LOC114841035: variants seen among roughly 807,000 people sequenced by gnomAD.
chr11:64,242,483 G>T, the LOC114841035 span: 1 of 1,555,066 alleles, frequency 6.4e-7, no homozygotes, highest in East Asian at 2.5e-5. Context: ...GGAAGCTGCA[G>T]ATCGGGGTCA....
chr11:64,242,621 G>C, the LOC114841035 span: 1 of 1,486,502 alleles, frequency 6.7e-7, no homozygotes, highest in Non-Finnish European at 9.0e-7. Flanking sequence ...AGAGTGCTTG[G>C]GAGTCTGGTT....
the LOC114841035 span, among the ~76,000 whole-genome samples, chr11:64,241,394 C>T: frequency 8.8e-6 from 1 of 113,760 alleles, no homozygotes. Flanking sequence ...AGGCGGAGCC[C>T]GGCGGCGGGG....
the LOC114841035 span, chr11:64,242,706 C>T: frequency 1.1e-6 from 1 of 874,414 alleles, no homozygotes; most frequent in South Asian, 2.0e-5. Context: ...TCTGCCTTGC[C>T]CTTGCCTACT....
the LOC114841035 span, chr11:64,243,211 G>A: frequency 1.2e-6 from 2 of 1,613,746 alleles, no homozygotes; most frequent in Non-Finnish European, 1.7e-6. Context: ...GAAGCTGGAA[G>A]ATGGGACAGA....
At chr11:64,243,432 A>T in the LOC114841035 span, 65 of 1,613,816 alleles carry the variant, frequency 4.0e-5, no homozygotes, top group Non-Finnish European at 5.5e-5. Context: ...CCATGGGCTG[A>T]GCATGTGTCT....
the LOC114841035 span, chr11:64,243,101 G>C: frequency 1.0e-5 from 11 of 1,050,684 alleles, no homozygotes; most frequent in East Asian, 2.6e-4. Context: ...CAGGGCTGTG[G>C]GTGGGCGTGG....
chr11:64,243,245 A>G, the LOC114841035 span: 3 of 1,613,504 alleles, frequency 1.9e-6, no homozygotes, highest in Non-Finnish European at 1.7e-6. Context: ...CTGCCCCAGA[A>G]CCAGCCCTTT....
chr11:64,243,304 C>T, the LOC114841035 span: 1 of 1,603,290 alleles, frequency 6.2e-7, no homozygotes. Context: ...GGACCAGGGG[C>T]TGCTGGGGTG....
the LOC114841035 span, chr11:64,243,407 G>T: frequency 6.2e-7 from 1 of 1,612,584 alleles, no homozygotes; most frequent in African/African-American, 1.3e-5. Flanking sequence ...TACAAGACAA[G>T]GGCCCTGGGT....
At chr11:64,244,080 T>C in the LOC114841035 span, 1 of 1,528,198 alleles carries the variant, frequency 6.5e-7, no homozygotes, top group Non-Finnish European at 9.0e-7. Flanking sequence ...ACCAGACTGT[T>C]CCAAAAAAAA....
chr11:64,243,762 G>A, the LOC114841035 span: 3 of 1,575,334 alleles, frequency 1.9e-6, no homozygotes, highest in Admixed American at 5.0e-5. Flanking sequence ...CTTGCTGAGA[G>A]GGGCGGAACA....
At chr11:64,243,759 A>G in the LOC114841035 span, 11 of 1,569,966 alleles carry the variant, frequency 7.0e-6, no homozygotes, top group Non-Finnish European at 9.6e-6. Context: ...CTTCTTGCTG[A>G]GAGGGGCGGA....
the LOC114841035 span, chr11:64,243,158 G>T: frequency 6.4e-7 from 1 of 1,574,570 alleles, no homozygotes; most frequent in Admixed American, 1.7e-5. Flanking sequence ...GGTGTCAGGG[G>T]TGGTCCCCTC....
chr11:64,242,363 G>A, the LOC114841035 span: 8 of 1,477,010 alleles, frequency 5.4e-6, no homozygotes, highest in Non-Finnish European at 7.2e-6. Context: ...TCAGTCGGTC[G>A]GTCGGGGTCT....
chr11:64,242,165 C>T, the LOC114841035 span: 2 of 480,890 alleles, frequency 4.2e-6, no homozygotes, highest in South Asian at 3.2e-5. Flanking sequence ...CCCTGACCCC[C>T]TCCCCCCGCT....
chr11:64,242,673 G>A, the LOC114841035 span: 4 of 1,131,794 alleles, frequency 3.5e-6, no homozygotes, highest in African/African-American at 1.6e-5. Context: ...GTCCCCTCTC[G>A]CCTCTAAGCC....
At chr11:64,243,333 T>C in the LOC114841035 span, 1 of 1,599,360 alleles carries the variant, frequency 6.3e-7, no homozygotes, top group African/African-American at 1.3e-5. Context: ...GGGAATGGGC[T>C]TGGGAGTGGG....
the LOC114841035 span, chr11:64,243,587 C>T: frequency 1.5e-5 from 22 of 1,499,976 alleles, no homozygotes; most frequent in Admixed American, 1.7e-4. Flanking sequence ...TGGTCTTCAC[C>T]GTATCCATTC....
At chr11:64,243,942 A>G in the LOC114841035 span, 1 of 1,614,056 alleles carries the variant, frequency 6.2e-7, no homozygotes, top group Middle Eastern at 1.7e-4. Flanking sequence ...CCTGGTTGGC[A>G]TTTTGACTCC....
Sources: allele counts gnomAD v4.1 joint callset (sites outside exome capture counted in the v4.1 genomes callset), GRCh38; gene constraint gnomAD v4.1.1; transcripts MANE v1.5.